The following TSPAN15 variants were observed in gnomAD, a reference collection of about 807,000 sequenced individuals.
TSPAN15 encodes tetraspanin-15.
A neutral mutation model predicts 34.5 loss-of-function variants in TSPAN15; 20 were observed. The ratio of observed to expected loss-of-function variants is 0.58; its 90% confidence interval spans 0.41 to 0.84. The LOEUF is 0.84. Among genes scored for constraint, TSPAN15 ranks in the 40% least tolerant of loss-of-function variants. The pLI, the probability that TSPAN15 is intolerant of heterozygous loss-of-function variation, is 0.00. For missense variants in TSPAN15, 313 were observed against 386.1 expected (o/e 0.81, Z 1.59); for synonymous variants, 155 against 153.9 (o/e 1.01, Z -0.05).
chr10:69,459,105 C>CAAAAAAAAAAAAAAAAAAAAACAAA (rs1259881929), intron 1 of TSPAN15, among the ~76,000 whole-genome samples: 1 of 57,734 alleles, frequency 1.7e-5, no homozygotes, highest in African/African-American at 5.5e-5. Context: ...ACAAAACAGA[C>CAAAAAAAAAAAAAAAAAAAAACAAA]AAAAAAAAAA....
At chr10:69,508,131 T>G (rs1842375163), downstream of TSPAN15, among the ~76,000 whole-genome samples, 1 of 152,038 alleles carries the variant, frequency 6.6e-6, no homozygotes, top group African/African-American at 2.4e-5. Context: ...AGGCTCTTAG[T>G]AGCCAGGGCA....
At chr10:69,482,378 A>C (rs1841752286) in intron 1 of TSPAN15, among the ~76,000 whole-genome samples, 1 of 152,202 alleles carries the variant, frequency 6.6e-6, no homozygotes. Flanking sequence ...CTCCTAGTGG[A>C]AAGTTACAGG....
chr10:69,497,340 C>T (rs965024975), intron 4 of TSPAN15, among the ~76,000 whole-genome samples: 1 of 152,200 alleles, frequency 6.6e-6, no homozygotes, highest in African/African-American at 2.4e-5. Flanking sequence ...TTTGCATGGT[C>T]CAGCCTGTGC....
chr10:69,546,982 C>CA, the TSPAN15 span, among the ~76,000 whole-genome samples: 8 of 150,212 alleles, frequency 5.3e-5, no homozygotes, highest in African/African-American at 2.0e-4. Context: ...CATTAAAATA[C>CA]AAAAATAAAA....
Position 69,506,549 on chromosome 10 carries a change from C to T in TSPAN15, c.736-280C>T, listed in dbSNP as rs1842330655. Among the ~76,000 whole-genome samples the T allele has an allele frequency of 6.6e-6, 1 of 152,188 alleles. No individual in the cohort carries two copies. Among genetic ancestry groups the T allele is most frequent in the Non-Finnish European group, 1.5e-5 (1 of 68,034 alleles). ...CCAAGATCCCCTAGATAGTGTGCAG[C>T]AGAGCTGGGGTGGAGGCAGGAATCC... is the stretch of plus-strand genomic sequence containing the variant. On this transcript the variant is annotated intron_variant, in intron 7 of 7. Transcript: ENST00000373290. The surrounding 1 kb of genome is among the most constrained non-coding windows in gnomAD (Gnocchi z 4.7).
At chr10:69,515,068 T>C in the TSPAN15 span, among the ~76,000 whole-genome samples, 1 of 152,380 alleles carries the variant, frequency 6.6e-6, no homozygotes, top group African/African-American at 2.4e-5. Context: ...GTGGCATTTC[T>C]CAGCTTCTTG....
chr10:69,456,728 C>T (rs961447776), intron 1 of TSPAN15, among the ~76,000 whole-genome samples: 1 of 152,196 alleles, frequency 6.6e-6, no homozygotes, highest in African/African-American at 2.4e-5. Context: ...GACAAACTAG[C>T]ACCCAAACTG....
intron 5 of TSPAN15, among the ~76,000 whole-genome samples, chr10:69,500,265 G>A (rs372181314): frequency 3.3e-5 from 5 of 152,306 alleles, no homozygotes; most frequent in African/African-American, 1.2e-4. Flanking sequence ...ACATCTATGA[G>A]GACAGCCCTT....
At chr10:69,520,435 G>A in the TSPAN15 span, among the ~76,000 whole-genome samples, 3 of 152,178 alleles carry the variant, frequency 2.0e-5, no homozygotes, top group Admixed American at 2.0e-4. Context: ...GCAGAAGCAG[G>A]TCGCTTGAGT....
chr10:69,455,824 G>C (rs1342948620), intron 1 of TSPAN15, among the ~76,000 whole-genome samples: 2 of 151,806 alleles, frequency 1.3e-5, no homozygotes, highest in African/African-American at 4.8e-5. Flanking sequence ...ACAGCTTGAT[G>C]AGTTTTCACA....
intron 1 of TSPAN15, among the ~76,000 whole-genome samples, chr10:69,482,709 T>C (rs1841760299): frequency 7.2e-6 from 1 of 137,960 alleles, no homozygotes; most frequent in Non-Finnish European, 1.6e-5. Context: ...ACTCACATGG[T>C]CAAATGCCTG....
At chr10:69,483,090 G>A (rs1332785192) in intron 1 of TSPAN15, among the ~76,000 whole-genome samples, 2 of 152,150 alleles carry the variant, frequency 1.3e-5, no homozygotes, top group Non-Finnish European at 2.9e-5. Context: ...CTGGGTTCAC[G>A]CCATTCTCCT....
At chr10:69,524,207 A>G in the TSPAN15 span, among the ~76,000 whole-genome samples, 1 of 147,548 alleles carries the variant, frequency 6.8e-6, no homozygotes, top group African/African-American at 2.5e-5. Flanking sequence ...GGTGGCTCAC[A>G]CCTATAATCC....
chr10:69,537,188 A>T, the TSPAN15 span, among the ~76,000 whole-genome samples: 1 of 152,214 alleles, frequency 6.6e-6, no homozygotes, highest in Admixed American at 6.5e-5. Flanking sequence ...TAATAAAGTC[A>T]GGACCAGGCT....
intron 2 of TSPAN15, among the ~76,000 whole-genome samples, chr10:69,484,603 G>T (rs1013101054): frequency 6.6e-6 from 1 of 152,228 alleles, no homozygotes; most frequent in Non-Finnish European, 1.5e-5. Flanking sequence ...CCGGGTTTGG[G>T]TGCTACTTGA....
At chr10:69,496,111 C>T (rs1315469807) in intron 4 of TSPAN15, among the ~76,000 whole-genome samples, 1 of 152,036 alleles carries the variant, frequency 6.6e-6, no homozygotes, top group Non-Finnish European at 1.5e-5. Context: ...CCCCCTCTGC[C>T]AAGTCTCTTC....
intron 1 of TSPAN15, among the ~76,000 whole-genome samples, chr10:69,474,919 C>G (rs1230902927): frequency 6.6e-6 from 1 of 152,194 alleles, no homozygotes; most frequent in Non-Finnish European, 1.5e-5. Flanking sequence ...TCTGACTGAC[C>G]TCTGGCTACT....
At chr10:69,462,087 C>G (rs1841275065) in intron 1 of TSPAN15, among the ~76,000 whole-genome samples, 1 of 151,728 alleles carries the variant, frequency 6.6e-6, no homozygotes, top group African/African-American at 2.4e-5. Context: ...CTCAAGTGAT[C>G]CTCCCACCTC....
At chr10:69,532,478 T>A in the TSPAN15 span, among the ~76,000 whole-genome samples, 5 of 152,174 alleles carry the variant, frequency 3.3e-5, no homozygotes, top group African/African-American at 1.2e-4. Flanking sequence ...GCAAGCCGCA[T>A]GTAGGAGAAT....
Sources: gnomAD v4.1 joint callset for allele counts (sites outside exome capture counted in the v4.1 genomes callset) on GRCh38, gnomAD v4.1.1 for gene constraint, Gnocchi (gnomAD v3.1) non-coding constraint, MANE v1.5 for transcripts, NCBI Gene and HGNC (gene_info 2026-07-23, HGNC 2026-07-21) for gene names.